The following PRELID2 variants were observed in gnomAD, a reference collection of about 807,000 sequenced individuals.
PRELID2 encodes PRELI domain containing 2, also known as PRELI domain-containing protein 2.
Under a neutral mutation model 28.4 loss-of-function variants are expected in PRELID2, and 25 were observed. The observed-to-expected ratio is 0.88, with a 90% CI of 0.64 to 1.23. The LOEUF (loss-of-function observed/expected upper bound fraction) is 1.23, where lower values mean the gene tolerates loss of function less well. PRELID2 is among the 50% of genes most tolerant of loss of function. The pLI is 0.00. For missense variants in PRELID2, 201 were observed against 214.4 expected (o/e 0.94, Z 0.39); for synonymous variants, 76 against 71.6 (o/e 1.06, Z -0.31).
At chr5:145,345,813 C>T in the PRELID2 span, among the ~76,000 whole-genome samples, 1 of 151,906 alleles carries the variant, frequency 6.6e-6, no homozygotes, top group Non-Finnish European at 1.5e-5. Context: ...TCAACTACCA[C>T]CACCCCGCAC....
downstream of PRELID2, among the ~76,000 whole-genome samples, chr5:145,756,136 G>C (rs972510849): frequency 9.9e-5 from 15 of 152,134 alleles, no homozygotes; most frequent in Non-Finnish European, 1.5e-5. Flanking sequence ...GGCCCACCCA[G>C]GTCACTCAAT....
chr5:145,229,360 C>G, the PRELID2 span: 20,786 of 740,714 alleles, frequency 0.028, 481 homozygotes, highest in Middle Eastern at 0.084. Flanking sequence ...TGTGGAGCAT[C>G]GACAAGAACC....
chr5:145,807,111 ATGAGT>A (rs1753566887), intron 4 of PRELID2, among the ~76,000 whole-genome samples: 1 of 152,188 alleles, frequency 6.6e-6, no homozygotes, highest in Admixed American at 6.5e-5. Context: ...CCACAAACAC[ATGAGT>A]AATGCATCAC....
At chr5:145,388,435 C>A in the PRELID2 span, among the ~76,000 whole-genome samples, 4 of 152,098 alleles carry the variant, frequency 2.6e-5, no homozygotes, top group Non-Finnish European at 5.9e-5. Flanking sequence ...TCCATTAATG[C>A]TTTTCTTTTT....
intron 1 of PRELID2, among the ~76,000 whole-genome samples, chr5:145,569,469 T>C (rs1339806506): frequency 6.6e-6 from 1 of 152,226 alleles, no homozygotes; most frequent in East Asian, 1.9e-4. Context: ...TCCATGAAGA[T>C]AGAGGCTTGG....
At chr5:145,484,999 C>T (rs148134950) in intron 1 of PRELID2, among the ~76,000 whole-genome samples, 1 of 152,252 alleles carries the variant, frequency 6.6e-6, no homozygotes, top group East Asian at 1.9e-4. Flanking sequence ...AGAAATTCGT[C>T]GTTGTCATAG....
chr5:145,818,160 T>G, intron 3 of PRELID2, 106 bp from the exon 4 acceptor site: 1 of 1,143,628 alleles, frequency 8.7e-7, no homozygotes, highest in Non-Finnish European at 1.2e-6. Context: ...GGACAAGTAA[T>G]CCTGATACAT....
At chr5:145,481,541 A>T (rs2126617169) in intron 1 of PRELID2, among the ~76,000 whole-genome samples, 1 of 149,280 alleles carries the variant, frequency 6.7e-6, no homozygotes, top group African/African-American at 2.5e-5. Flanking sequence ...CTTCTGGTCC[A>T]AATTAGCTGT....
intron 1 of PRELID2, among the ~76,000 whole-genome samples, chr5:145,659,406 T>C (rs1422094693): frequency 1.3e-5 from 2 of 152,262 alleles, no homozygotes; most frequent in African/African-American, 4.8e-5. Flanking sequence ...AATTCCATTT[T>C]AAGGCAGACT....
At chr5:145,348,014 C>A in the PRELID2 span, among the ~76,000 whole-genome samples, 46 of 152,162 alleles carry the variant, frequency 3.0e-4, no homozygotes, top group African/African-American at 1.1e-3. Flanking sequence ...CCTGAACAAG[C>A]AGGCAGTAAC....
chr5:145,340,488 C>A, the PRELID2 span, among the ~76,000 whole-genome samples: 1 of 152,082 alleles, frequency 6.6e-6, no homozygotes, highest in Non-Finnish European at 1.5e-5. Context: ...GGCTTTCAGG[C>A]TGGGCATGGT....
At chr5:145,676,510 G>T (rs967613951) in intron 1 of PRELID2, among the ~76,000 whole-genome samples, 39 of 152,200 alleles carry the variant, frequency 2.6e-4, no homozygotes, top group Middle Eastern at 6.8e-3. Flanking sequence ...CTGCACTCCA[G>T]CCTGGGCAAC....
At chr5:145,519,442 G>A (rs763815680) in intron 1 of PRELID2, among the ~76,000 whole-genome samples, 11 of 152,200 alleles carry the variant, frequency 7.2e-5, no homozygotes, top group Non-Finnish European at 1.3e-4. Flanking sequence ...TTTTGAGGAT[G>A]ATGTCAATAA....
intron 1 of PRELID2, among the ~76,000 whole-genome samples, chr5:145,688,351 T>TCTTGC: frequency 6.6e-6 from 1 of 152,324 alleles, no homozygotes; most frequent in Admixed American, 6.5e-5. Flanking sequence ...GCATCAGCAG[T>TCTTGC]AATGGTAACT....
chr5:145,574,860 GTCATAC>G (rs1561508987), intron 1 of PRELID2, among the ~76,000 whole-genome samples: 1 of 152,164 alleles, frequency 6.6e-6, no homozygotes, highest in African/African-American at 2.4e-5. Context: ...GTAAGTAGCT[GTCATAC>G]TGTATTGTTT....
chr5:145,554,540 C>T (rs952807824), intron 1 of PRELID2, among the ~76,000 whole-genome samples: 2 of 152,162 alleles, frequency 1.3e-5, no homozygotes, highest in African/African-American at 4.8e-5. Flanking sequence ...TTGAAGGATC[C>T]ACTCTTTCAA....
chr5:145,279,654 T>C, the PRELID2 span, among the ~76,000 whole-genome samples: 161 of 152,272 alleles, frequency 1.1e-3, no homozygotes, highest in African/African-American at 3.6e-3. Context: ...AATAAAAATG[T>C]AAAAAACACA....
chr5:145,496,337 T>C (rs1454876338), intron 1 of PRELID2, among the ~76,000 whole-genome samples: 1 of 152,128 alleles, frequency 6.6e-6, no homozygotes, highest in African/African-American at 2.4e-5. Context: ...AGGCAAAGTC[T>C]GGACAAGAGA....
intron 1 of PRELID2, among the ~76,000 whole-genome samples, chr5:145,684,972 G>A (rs958853731): frequency 6.6e-6 from 1 of 152,148 alleles, no homozygotes; most frequent in Non-Finnish European, 1.5e-5. Flanking sequence ...GAAGAAAGTT[G>A]GGCTGTTGGT....
Sources: gnomAD v4.1 joint callset for allele counts (sites outside exome capture counted in the v4.1 genomes callset) on GRCh38, gnomAD v4.1.1 for gene constraint, MANE v1.5 for transcripts, NCBI Gene and HGNC (gene_info 2026-07-23, HGNC 2026-07-21) for gene names.